Variants in ARHGAP31 observed in about 807,000 individuals in gnomAD.
ARHGAP31 encodes the protein Rho GTPase activating protein 31.
Under a neutral mutation model 113.9 loss-of-function variants are expected in ARHGAP31, and 34 were observed. That is an observed-to-expected ratio of 0.30 (90% CI 0.23 to 0.40). The LOEUF is 0.40. Ranked by LOEUF, ARHGAP31 falls within the 10% of genes least tolerant of loss-of-function variation. The pLI, the probability that ARHGAP31 is intolerant of heterozygous loss-of-function variation, is 1.00. For synonymous variants in ARHGAP31, 650 were observed against 684.8 expected, an observed-to-expected ratio of 0.95 and a Z score of 0.79; for missense variants, 1,548 against 1,767.1, an observed-to-expected ratio of 0.88 and a Z score of 2.22.
rs368921641 is a variant in ARHGAP31, at chr3:119,337,962, TA to T, written c.101-27353del. ...ATTTGGGTACAAGTTTGTATGCAGA[TA>T]TATGTTTTTATTCATTTAAGGTCTA... On this transcript the variant is annotated intron_variant, in intron 1 of 11. Coordinates refer to ENST00000264245, the MANE Select transcript of ARHGAP31 (RefSeq NM_020754.4). Among the ~76,000 whole-genome samples, 885 of 152,336 alleles carry T rather than the reference TA, an allele frequency of 5.8e-3. 11 individuals are homozygous for T. The highest frequency in any genetic ancestry group is 0.021 in the African/African-American group (855 of 41,566).
At chr3:119,392,770 C>T (rs1210267085) in intron 7 of ARHGAP31, among the ~76,000 whole-genome samples, 1 of 152,252 alleles carries the variant, frequency 6.6e-6, no homozygotes, top group Non-Finnish European at 1.5e-5. Context: ...CAGGCTGCTA[C>T]TCTCCTCAGC....
At position 119,355,907 on chromosome 3, in the gene ARHGAP31, C is replaced by G. The variant is rs968878225; in HGVS notation, c.101-9409C>G. ...TCACTGATGGACATTTGGATTGGTT[C>G]CAAGTCTTTGCTATTGTGAATAGAG... On this transcript the variant is annotated intron_variant, in intron 1 of 11. Transcript: ENST00000264245. Among the ~76,000 whole-genome samples, 36 of 152,218 alleles carry G rather than the reference C, an allele frequency of 2.4e-4. No individual in the cohort carries two copies. In the South Asian group the frequency reaches 2.9e-3, roughly 12 times the overall value.
chr3:119,302,982 TC>T (rs1241585263), intron 1 of ARHGAP31, among the ~76,000 whole-genome samples: 1 of 152,202 alleles, frequency 6.6e-6, no homozygotes, highest in Non-Finnish European at 1.5e-5. Context: ...TATCTTTTCC[TC>T]CCAGGTCCCT....
At chr3:119,386,595 GA>G (rs2107633631) in intron 6 of ARHGAP31, among the ~76,000 whole-genome samples, 1 of 152,224 alleles carries the variant, frequency 6.6e-6, no homozygotes, top group East Asian at 1.9e-4. Context: ...GGCGACGAGA[GA>G]GTGTAGAAAT....
Position 119,294,810 on chromosome 3 carries a change from G to C in ARHGAP31, c.-95G>C. ...TTCCGATGCGGCCCCCCAGAGCCGC[G>C]GGGCAGCCGGTGATCTAGCCCGGGA... On this transcript the variant is annotated 5_prime_UTR_variant, in exon 1 of 12. Transcript: ENST00000264245. The C allele has an allele frequency of 8.4e-7, 1 of 1,197,236 alleles. No individual in the cohort carries two copies. Among genetic ancestry groups the C allele is most frequent in the Non-Finnish European group, 1.2e-6 (1 of 805,894 alleles). 74.2% of individuals were successfully genotyped at this position (1,197,236 alleles called of 1,614,324 possible). A position where few individuals can be genotyped will look rare whatever the true frequency, so the allele number is the denominator to read the frequency against.
At chr3:119,405,015 A>T (rs1008713565) in intron 10 of ARHGAP31, among the ~76,000 whole-genome samples, 2 of 152,248 alleles carry the variant, frequency 1.3e-5, no homozygotes, top group Non-Finnish European at 2.9e-5. Context: ...GGAAGATCAG[A>T]ATAAACATAT....
chr3:119,403,921 G>A (rs529403842), intron 10 of ARHGAP31, among the ~76,000 whole-genome samples: 135 of 152,360 alleles, frequency 8.9e-4, no homozygotes, highest in African/African-American at 3.1e-3. Context: ...CTATCCCAAA[G>A]GCTGTAGTGA....
chr3:119,321,056 CT>C (rs1458543261), intron 1 of ARHGAP31, among the ~76,000 whole-genome samples: 1 of 152,050 alleles, frequency 6.6e-6, no homozygotes, highest in African/African-American at 2.4e-5. Context: ...AAACCTCTTT[CT>C]TTTGTAAATT....
chr3:119,400,313 A>T (rs1244058315), intron 9 of ARHGAP31, among the ~76,000 whole-genome samples: 1 of 152,052 alleles, frequency 6.6e-6, no homozygotes, highest in Admixed American at 6.5e-5. Context: ...GTGCATGCCT[A>T]TAATTCCAGC....
intron 1 of ARHGAP31, among the ~76,000 whole-genome samples, chr3:119,304,080 C>A (rs1390252690): frequency 6.6e-6 from 1 of 152,168 alleles, no homozygotes; most frequent in Non-Finnish European, 1.5e-5. Context: ...AGGTGTAAGC[C>A]ACCGCACCCG....
At chr3:119,410,829 G>A (rs886822752) in intron 11 of ARHGAP31, among the ~76,000 whole-genome samples, 12 of 152,222 alleles carry the variant, frequency 7.9e-5, no homozygotes, top group African/African-American at 2.4e-4. Flanking sequence ...CCTTCTTGGA[G>A]CTAACAGCCT....
chr3:119,324,586 G>A (rs527659735), intron 1 of ARHGAP31, among the ~76,000 whole-genome samples: 2 of 152,158 alleles, frequency 1.3e-5, no homozygotes, highest in Non-Finnish European at 2.9e-5. Context: ...TCACATCAAG[G>A]TTCCTTGTCC....
chr3:119,334,196 C>A (rs764968518), intron 1 of ARHGAP31, among the ~76,000 whole-genome samples: 8 of 152,178 alleles, frequency 5.3e-5, no homozygotes, highest in Non-Finnish European at 1.2e-4. Flanking sequence ...GATACTTCAT[C>A]TCCCGGCTCC....
chr3:119,342,760 A>G lies in ARHGAP31; in HGVS notation c.101-22556A>G, dbSNP rs1453875476. ...AGGTTGGGAGTTCGAGACCAGCCTG[A>G]CCAACATGGAGAAACCCCATCTCTA... On this transcript the variant is annotated intron_variant, in intron 1 of 11. Transcript: ENST00000264245. Among the ~76,000 whole-genome samples, 3 of 152,094 alleles carry G rather than the reference A, an allele frequency of 2.0e-5. No homozygotes were observed. The East Asian group carries it at 5.8e-4, about 29-fold the overall frequency.
intron 1 of ARHGAP31, among the ~76,000 whole-genome samples, chr3:119,352,388 C>T (rs80213881): frequency 3.1e-4 from 47 of 152,308 alleles, no homozygotes; most frequent in Non-Finnish European, 6.0e-4. Context: ...CTTGTGGACC[C>T]AGACACTTTC....
In ARHGAP31 at chr3:119,416,215, A is replaced by C; in HGVS notation, c.4286A>C (p.Gln1429Pro). 1 of 1,614,224 alleles carries C rather than the reference A, an allele frequency of 6.2e-7. No homozygotes were observed. The highest frequency in any genetic ancestry group is 8.5e-7 in the Non-Finnish European group (1 of 1,180,046). Residue 1429 changes from glutamine to proline, a missense_variant, in exon 12 of 12, where the codon CAG (glutamine) becomes CCG (proline). Transcript: ENST00000264245. ...ETSTSCFYQPQRRSVILDGRS... is the reference protein window; with the variant it reads ...ETSTSCFYQPPRRSVILDGRS... ...TCAACCAGCTGTTTTTACCAGCCTCAGCGGAGATCAGTAATTCTGGATGGA... is the reference window on the plus strand; with the variant it reads ...TCAACCAGCTGTTTTTACCAGCCTCCGCGGAGATCAGTAATTCTGGATGGA...
At chr3:119,324,241 T>C (rs1220606465) in intron 1 of ARHGAP31, among the ~76,000 whole-genome samples, 1 of 152,114 alleles carries the variant, frequency 6.6e-6, no homozygotes, top group Admixed American at 6.5e-5. Flanking sequence ...CTTCAAACCC[T>C]CCTAGCCGTC....
intron 1 of ARHGAP31, among the ~76,000 whole-genome samples, chr3:119,354,340 T>A (rs1423714953): frequency 2.6e-5 from 4 of 152,038 alleles, no homozygotes; most frequent in East Asian, 1.9e-4. Context: ...TTCTTTCTTT[T>A]AAAAAAAATG....
intron 1 of ARHGAP31, among the ~76,000 whole-genome samples, chr3:119,337,010 ATATTC>A (rs1304435845): frequency 6.6e-6 from 1 of 152,230 alleles, no homozygotes; most frequent in Non-Finnish European, 1.5e-5. Context: ...TTACCTAATA[ATATTC>A]TATTCTATGG....
Sources: allele counts gnomAD v4.1 joint callset (sites outside exome capture counted in the v4.1 genomes callset), GRCh38; gene constraint gnomAD v4.1.1; transcripts MANE v1.5; gene names NCBI Gene and HGNC (gene_info 2026-07-23, HGNC 2026-07-21).